Variants in RGL1 observed in about 807,000 individuals in gnomAD.
The protein encoded by RGL1 is ral guanine nucleotide dissociation stimulator-like 1.
A neutral mutation model predicts 95.2 loss-of-function variants in RGL1; 24 were observed. The observed-to-expected ratio is 0.25, with a 90% confidence interval of 0.18 to 0.35. The LOEUF is 0.35. Ranked by LOEUF, RGL1 falls within the 10% of genes least tolerant of loss-of-function variation. The probability of loss-of-function intolerance (pLI) is 1.00; values close to 1 mark genes in which losing one functional copy is unlikely to be tolerated. For missense variants in RGL1, 715 were observed against 936.3 expected, an observed-to-expected ratio of 0.76 and a Z score of 3.08; for synonymous variants, 329 against 344.9, an observed-to-expected ratio of 0.95 and a Z score of 0.51.
intron 2 of RGL1, among the ~76,000 whole-genome samples, chr1:183,746,705 G>T (rs937625310): frequency 1.3e-5 from 2 of 148,710 alleles, no homozygotes; most frequent in Non-Finnish European, 3.0e-5. Context: ...ATGCAGGTTT[G>T]TTATACAGGT....
chr1:183,925,984 C>A, intron 17 of RGL1, 121 bp from the exon 18 acceptor site: 2 of 748,826 alleles, frequency 2.7e-6, no homozygotes, highest in Non-Finnish European at 4.1e-6. Context: ...GTTCAGGTCA[C>A]ATTCCAGAGA....
chr1:183,667,753 A>G (rs1652141816), intron 1 of RGL1, among the ~76,000 whole-genome samples: 1 of 151,594 alleles, frequency 6.6e-6, no homozygotes, highest in South Asian at 2.1e-4. Flanking sequence ...AACCTTTTAT[A>G]TTTTTTATTG....
chr1:183,802,051 A>G (rs1661022090), upstream of RGL1, among the ~76,000 whole-genome samples: 1 of 152,204 alleles, frequency 6.6e-6, no homozygotes, highest in African/African-American at 2.4e-5. Context: ...GGAGTTTTAT[A>G]GTTTCAGGTC....
At chr1:183,819,973 T>C (rs1339070311) in intron 2 of RGL1, among the ~76,000 whole-genome samples, 1 of 151,890 alleles carries the variant, frequency 6.6e-6, no homozygotes, top group Non-Finnish European at 1.5e-5. Context: ...TTTGTAGAGA[T>C]GGGGGGTCTC....
intron 4 of RGL1, among the ~76,000 whole-genome samples, chr1:183,872,981 G>A (rs1666272332): frequency 6.6e-6 from 1 of 152,140 alleles, no homozygotes; most frequent in African/African-American, 2.4e-5. Context: ...GAAGAGTCTG[G>A]TATTGTCTTT....
rs540389694 is a variant in RGL1, at chr1:183,666,472, G to A, written c.-33+29971G>A. On this transcript the variant is annotated intron_variant, in intron 1 of 18. Coordinates refer to the RGL1 transcript ENST00000304685. ...TGACCTATGTATTATTTAGAACTTC[G>A]TTGTTTAATTTCCAAGTATTTTGGA... Among the ~76,000 whole-genome samples, 9 of 152,110 alleles carry A rather than the reference G, an allele frequency of 5.9e-5. No individual in the cohort carries two copies. In the East Asian group the frequency reaches 1.7e-3, roughly 29 times the overall value.
At chr1:183,710,587 T>C (rs1048228374) in intron 1 of RGL1, among the ~76,000 whole-genome samples, 13 of 152,164 alleles carry the variant, frequency 8.5e-5, no homozygotes, top group Non-Finnish European at 1.3e-4. Flanking sequence ...AATTGACTCA[T>C]AGTTCTGCCT....
At chr1:183,779,436 A>T (rs1371045966) in intron 2 of RGL1, among the ~76,000 whole-genome samples, 1 of 152,026 alleles carries the variant, frequency 6.6e-6, no homozygotes, top group Non-Finnish European at 1.5e-5. Flanking sequence ...TTTAGTAAAG[A>T]TGAAGTTTCA....
intron 2 of RGL1, among the ~76,000 whole-genome samples, chr1:183,774,777 A>G (rs1026185041): frequency 2.0e-5 from 3 of 151,724 alleles, no homozygotes; most frequent in African/African-American, 4.8e-5. Context: ...GGTGTCACCA[A>G]ATTGGCCAGG....
chr1:183,842,223 G>A (rs750926417), intron 2 of RGL1, among the ~76,000 whole-genome samples: 5 of 152,136 alleles, frequency 3.3e-5, no homozygotes, highest in Non-Finnish European at 5.9e-5. Context: ...ACTGAAGAGT[G>A]ATCATGGTGT....
At position 183,926,737 on chromosome 1, in the gene RGL1, C is replaced by T. The variant is rs1448117730; in HGVS notation, c.*445C>T. The T allele has an allele frequency of 2.0e-5, 3 of 152,810 alleles. No individual in the cohort carries two copies. The highest frequency in any genetic ancestry group is 7.2e-5 in the African/African-American group (3 of 41,430). 9.5% of individuals were successfully genotyped at this position (152,810 alleles called of 1,614,324 possible). A position where few individuals can be genotyped will look rare whatever the true frequency, so the allele number is the denominator to read the frequency against. ...CTCGTATATTCTGAGTAAATGGAAT[C>T]AGTCCTGGGAATAGAGAGTGTCCTT... On this transcript the variant is annotated 3_prime_UTR_variant, in exon 18 of 18. Coordinates refer to ENST00000360851, the MANE Select transcript of RGL1 (RefSeq NM_001297671.3).
intron 1 of RGL1, among the ~76,000 whole-genome samples, chr1:183,717,840 G>A (rs1655721555): frequency 6.6e-6 from 1 of 152,198 alleles, no homozygotes; most frequent in African/African-American, 2.4e-5. Flanking sequence ...CTCAGAGGAA[G>A]TGGCATTTGG....
intron 10 of RGL1, among the ~76,000 whole-genome samples, chr1:183,898,113 G>C (rs1488709451): frequency 6.6e-6 from 1 of 152,166 alleles, no homozygotes; most frequent in Non-Finnish European, 1.5e-5. Flanking sequence ...AGCACTGGGT[G>C]GCAAATCCTG....
At chr1:183,745,616 A>G (rs1378033648) in intron 2 of RGL1, among the ~76,000 whole-genome samples, 2 of 152,050 alleles carry the variant, frequency 1.3e-5, no homozygotes, top group East Asian at 3.9e-4. Context: ...GTTTCTATAG[A>G]TATCCTGTCT....
At chr1:183,683,683 C>T (rs1323241275) in intron 1 of RGL1, among the ~76,000 whole-genome samples, 1 of 152,154 alleles carries the variant, frequency 6.6e-6, no homozygotes, top group African/African-American at 2.4e-5. Flanking sequence ...GTGGTGTTCT[C>T]TGTATTTCCT....
At chr1:183,720,721 A>G (rs147005182) in intron 1 of RGL1, among the ~76,000 whole-genome samples, 70 of 152,338 alleles carry the variant, frequency 4.6e-4, no homozygotes, top group African/African-American at 1.7e-3. Context: ...ATGGGGAGAG[A>G]GTAGGAGTTT....
At chr1:183,727,827 A>G (rs1007688142) in intron 1 of RGL1, among the ~76,000 whole-genome samples, 1 of 152,214 alleles carries the variant, frequency 6.6e-6, no homozygotes, top group African/African-American at 2.4e-5. Context: ...AAAAAGGACA[A>G]TATTATTTGC....
chr1:183,752,674 TTC>T (rs71130636), intron 2 of RGL1, among the ~76,000 whole-genome samples: 232 of 31,030 alleles, frequency 7.5e-3, no homozygotes, highest in East Asian at 0.029. Flanking sequence ...CTTTCTCTCT[TTC>T]TCTCTCTCTC....
chr1:183,878,186 A>ATCTG (rs1279523926), intron 4 of RGL1, among the ~76,000 whole-genome samples: 2 of 150,274 alleles, frequency 1.3e-5, no homozygotes, highest in Non-Finnish European at 3.0e-5. Context: ...CTATCTATCT[A>ATCTG]TCTATCTATC....
Sources: allele counts gnomAD v4.1 joint callset (sites outside exome capture counted in the v4.1 genomes callset), GRCh38; gene constraint gnomAD v4.1.1; transcripts MANE v1.5; gene names NCBI Gene and HGNC (gene_info 2026-07-23, HGNC 2026-07-21).